MAP3K4: variants seen among roughly 807,000 people sequenced by gnomAD.
MAP3K4 encodes MAP three kinase 1.
MAP3K4 carries 67 observed loss-of-function variants against 185.6 expected under a neutral mutation model. That is an observed-to-expected ratio of 0.36 (90% CI 0.30 to 0.44). The LOEUF is 0.44. MAP3K4 is among the 20% of genes least tolerant of loss of function. The probability of loss-of-function intolerance (pLI) is 1.00; values close to 1 mark genes in which losing one functional copy is unlikely to be tolerated. For missense variants in MAP3K4, 1,551 were observed against 1,995.1 expected (o/e 0.78, Z 4.24); for synonymous variants, 702 against 710.4 (o/e 0.99, Z 0.19).
At chr6:161,111,078 G>T (rs187066799) in intron 23 of MAP3K4, among the ~76,000 whole-genome samples, 75 of 152,314 alleles carry the variant, frequency 4.9e-4, no homozygotes, top group African/African-American at 1.8e-3. Flanking sequence ...GCTGCCCCTC[G>T]TAGTCAATTG....
chr6:161,097,580 A>G lies in MAP3K4; in HGVS notation c.3524+404A>G, dbSNP rs1021771985. ...AACTGGAATGAGCTTTCCAGATTCAATTTTTATCTGCATATGTAATTACAA... is the reference window on the plus strand; with the variant it reads ...AACTGGAATGAGCTTTCCAGATTCAGTTTTTATCTGCATATGTAATTACAA... On this transcript the variant is annotated intron_variant, in intron 16 of 26. Coordinates refer to ENST00000392142, the MANE Select transcript of MAP3K4 (RefSeq NM_005922.4). This position sits in a 1 kb window ranked among gnomAD's most constrained non-coding sequence, Gnocchi z 4.9. 1.3e-5 allele frequency among the ~76,000 whole-genome samples: 2 copies of G among 152,212 alleles called. No individual in the cohort carries two copies. Among genetic ancestry groups the G allele is most frequent in the African/African-American group, 2.4e-5 (1 of 41,454 alleles).
In MAP3K4 at chr6:161,032,750, T is replaced by G. The variant is rs546862264; in HGVS notation, c.153-1509T>G. Among the ~76,000 whole-genome samples the G allele has an allele frequency of 3.9e-5, 6 of 152,326 alleles. No homozygotes were observed. In the South Asian group the frequency reaches 1.2e-3, roughly 32 times the overall value. On this transcript the variant is annotated intron_variant, in intron 1 of 26. Coordinates refer to ENST00000392142, the MANE Select transcript of MAP3K4 (RefSeq NM_005922.4). ...TCAAGTTAATCTGTAAGATTACACT[T>G]TATTGTGTGATGTTATGAGACTTAA... is the stretch of plus-strand genomic sequence containing the variant.
intron 19 of MAP3K4, 144 bp downstream of exon 19, chr6:161,102,923 A>G (rs1469071217): frequency 5.1e-6 from 3 of 586,332 alleles, no homozygotes; most frequent in African/African-American, 1.9e-5. Flanking sequence ...CACAGCTCTG[A>G]CATCACTTTC....
In MAP3K4 at chr6:161,110,504, G is replaced by A. The variant is rs1041316124; in HGVS notation, c.4396+590G>A. On this transcript the variant is annotated intron_variant, in intron 23 of 26. Coordinates refer to ENST00000392142, the MANE Select transcript of MAP3K4 (RefSeq NM_005922.4). This position sits in a 1 kb window ranked among gnomAD's most constrained non-coding sequence, Gnocchi z 4.8. ...GTGGCATTTGCCTTAACCACGCCAT[G>A]CCCCTGACCTTTGTATTTGCAAGTC... 2.0e-5 allele frequency among the ~76,000 whole-genome samples: 3 copies of A among 152,198 alleles called. No individual in the cohort carries two copies. Among genetic ancestry groups the A allele is most frequent in the African/African-American group, 7.2e-5 (3 of 41,456 alleles).
Position 161,086,327 on chromosome 6 carries a change from C to T in MAP3K4, c.2373-52C>T, listed in dbSNP as rs1785711846. 1.9e-6 allele frequency: 2 copies of T among 1,059,132 alleles called. No individual in the cohort carries two copies. The highest frequency in any genetic ancestry group is 1.6e-5 in the African/African-American group (1 of 63,032). The allele number at this position is 1,059,132 out of a possible 1,614,324, so 65.6% of individuals were successfully genotyped here. Reference sequence around the variant, plus strand: ...TCTTTATTGTTAAATCCCTCTTGCACCTCTGGAATATTCCCTAATGTGTTC... The same window carrying T: ...TCTTTATTGTTAAATCCCTCTTGCATCTCTGGAATATTCCCTAATGTGTTC... On this transcript the variant is annotated intron_variant, in intron 7 of 26. Transcript: ENST00000392142. This position sits in a 1 kb window ranked among gnomAD's most constrained non-coding sequence, Gnocchi z 4.8.
At chr6:161,009,134 G>A (rs1328427354) in intron 1 of MAP3K4, among the ~76,000 whole-genome samples, 5 of 151,996 alleles carry the variant, frequency 3.3e-5, no homozygotes, top group Middle Eastern at 3.4e-3. Flanking sequence ...ACAGGTGCGC[G>A]CCACCACGCC....
At position 160,991,893 on chromosome 6, in the gene MAP3K4, C is replaced by T. The variant is rs1249822992; in HGVS notation, c.-39C>T. On this transcript the variant is annotated 5_prime_UTR_variant, in exon 1 of 27. Transcript: ENST00000392142. This position sits in a 1 kb window ranked among gnomAD's most constrained non-coding sequence, Gnocchi z 5.7. Reference sequence around the variant, plus strand: ...TCCGGTGCCCCGCGCCAGGCTGCAGCTTACTGCCCGCCGCGGCCATGCGGG... The same window carrying T: ...TCCGGTGCCCCGCGCCAGGCTGCAGTTTACTGCCCGCCGCGGCCATGCGGG... 1 of 1,484,208 alleles carries T rather than the reference C, an allele frequency of 6.7e-7. No individual in the cohort carries two copies. Among genetic ancestry groups the T allele is most frequent in the Non-Finnish European group, 8.9e-7 (1 of 1,126,256 alleles). The allele number at this position is 1,484,208 out of a possible 1,614,324, so 91.9% of individuals were successfully genotyped here. A position where few individuals can be genotyped will look rare whatever the true frequency, so the allele number is the denominator to read the frequency against.
At chr6:161,083,717 G>T (rs192016556) in intron 6 of MAP3K4, among the ~76,000 whole-genome samples, 1 of 151,598 alleles carries the variant, frequency 6.6e-6, no homozygotes, top group South Asian at 2.1e-4. Flanking sequence ...TTTCTTCCTC[G>T]CAGATTTTCC....
chr6:161,085,818 C>T (rs1785682089), intron 7 of MAP3K4, among the ~76,000 whole-genome samples: 1 of 152,140 alleles, frequency 6.6e-6, no homozygotes, highest in Non-Finnish European at 1.5e-5. Context: ...GGTTCCAGTT[C>T]AGGGGGCCAT....
At chr6:161,111,741 C>A in intron 23 of MAP3K4, 95 bp from the exon 24 acceptor site, 1 of 1,199,106 alleles carries the variant, frequency 8.3e-7, no homozygotes, top group Non-Finnish European at 1.2e-6. Flanking sequence ...GATTGTTTAG[C>A]TTGTGAATGA....
At chr6:161,042,512 A>G (rs1783516637) in intron 2 of MAP3K4, among the ~76,000 whole-genome samples, 1 of 152,144 alleles carries the variant, frequency 6.6e-6, no homozygotes, top group East Asian at 1.9e-4. Context: ...CACAGGAGCT[A>G]GCTGCGGTGT....
At chr6:161,045,353 G>A (rs909541946) in intron 2 of MAP3K4, among the ~76,000 whole-genome samples, 1 of 152,080 alleles carries the variant, frequency 6.6e-6, no homozygotes, top group East Asian at 1.9e-4. Flanking sequence ...AAAAAATTGT[G>A]TAATAGACTG....
Position 161,102,717 on chromosome 6 carries a change from G to T in MAP3K4, c.3794G>T (p.Gly1265Val). ...CCTGCAGAACCAGCATATCCAAGAG[G>T]AGATTCAAGTGGGTCCACAAGAAGA... Reference protein sequence around the residue: ...EERDEPAYPRGDSSGSTRRSW... With the variant: ...EERDEPAYPRVDSSGSTRRSW... Residue 1265 changes from glycine (G) to valine (V), a missense_variant, in exon 19 of 27, where the codon GGA becomes GTA. Transcript: ENST00000392142. 1 of 1,593,596 alleles carries T rather than the reference G, an allele frequency of 6.3e-7. No individual in the cohort carries two copies. The highest frequency in any genetic ancestry group is 8.5e-7 in the Non-Finnish European group (1 of 1,173,186).
intron 6 of MAP3K4, among the ~76,000 whole-genome samples, chr6:161,081,297 G>T (rs967275198): frequency 6.6e-6 from 1 of 150,732 alleles, no homozygotes; most frequent in Non-Finnish European, 1.5e-5. Flanking sequence ...GCGAGTGGGC[G>T]GGGGGAGGGA....
At position 161,097,882 on chromosome 6, in the gene MAP3K4, G is replaced by GA. The variant is rs780043052; in HGVS notation, c.3525-394dup. On this transcript the variant is annotated intron_variant, in intron 16 of 26. Transcript: ENST00000392142. The surrounding 1 kb of genome is among the most constrained non-coding windows in gnomAD (Gnocchi z 4.9). ...GCGGGAGGATCACTTGAGCCCAGGAGAACAGCCTGGGCAACGTAGCAAAAC... is the reference window on the plus strand; with the variant it reads ...GCGGGAGGATCACTTGAGCCCAGGAGAAACAGCCTGGGCAACGTAGCAAAAC... Among the ~76,000 whole-genome samples the GA allele has an allele frequency of 3.9e-4, 60 of 151,950 alleles. No individual in the cohort carries two copies. The highest frequency in any genetic ancestry group is 7.8e-4 in the Non-Finnish European group (53 of 67,994).
At position 161,067,045 on chromosome 6, in the gene MAP3K4, A is replaced by C. The variant is rs2114805746; in HGVS notation, c.1708-3563A>C. 6.6e-6 allele frequency among the ~76,000 whole-genome samples: 1 copy of C among 152,332 alleles called. No individual in the cohort carries two copies. The highest frequency in any genetic ancestry group is 2.1e-4 in the South Asian group (1 of 4,828). ...AAAGCCTTTACTTACACATACCTTAAGCTGTTAACCCTGAATATCTGAGAC... is the reference window on the plus strand; with the variant it reads ...AAAGCCTTTACTTACACATACCTTACGCTGTTAACCCTGAATATCTGAGAC... On this transcript the variant is annotated intron_variant, in intron 3 of 26. Transcript: ENST00000392142. The surrounding 1 kb of genome is among the most constrained non-coding windows in gnomAD (Gnocchi z 6.3).
At chr6:161,040,542 A>G (rs1347563257) in intron 2 of MAP3K4, among the ~76,000 whole-genome samples, 1 of 152,244 alleles carries the variant, frequency 6.6e-6, no homozygotes, top group Non-Finnish European at 1.5e-5. Flanking sequence ...GGTTTTCATC[A>G]GATTCGCAAA....
intron 7 of MAP3K4, among the ~76,000 whole-genome samples, chr6:161,085,107 C>T (rs942564212): frequency 6.6e-6 from 1 of 150,906 alleles, no homozygotes; most frequent in Non-Finnish European, 1.5e-5. Context: ...GATCATGCCA[C>T]TGCACTCCAG....
rs9458116 is a variant in MAP3K4, at chr6:161,088,566, G to A, written c.2823+612G>A. On this transcript the variant is annotated intron_variant, in intron 10 of 26. Coordinates refer to ENST00000392142, the MANE Select transcript of MAP3K4 (RefSeq NM_005922.4). The surrounding 1 kb of genome is among the most constrained non-coding windows in gnomAD (Gnocchi z 4.5). ...ATTCCGTCTCAGTGAATGGTTCCGC[G>A]TTCACTCACATGTTTAAACCAGAAG... is the stretch of plus-strand genomic sequence containing the variant. Among the ~76,000 whole-genome samples, 2,880 of 152,186 alleles carry A rather than the reference G, an allele frequency of 0.019. 53 individuals are homozygous for A. The highest frequency in any genetic ancestry group is 0.046 in the African/African-American group (1,911 of 41,502).
Sources: allele counts gnomAD v4.1 joint callset (sites outside exome capture counted in the v4.1 genomes callset), GRCh38; gene constraint gnomAD v4.1.1; non-coding constraint Gnocchi (gnomAD v3.1); transcripts MANE v1.5; gene names NCBI Gene and HGNC (gene_info 2026-07-23, HGNC 2026-07-21).